The following KCNMA1 variants were observed in gnomAD, a reference collection of about 807,000 sequenced individuals.
KCNMA1 encodes potassium calcium-activated channel subfamily M alpha 1, also known as Calcium-activated potassium channel subunit alpha-1.
Under a neutral mutation model 140.0 loss-of-function variants are expected in KCNMA1, and 29 were observed. That is an observed-to-expected ratio of 0.21 (90% confidence interval 0.15 to 0.28). The LOEUF (loss-of-function observed/expected upper bound fraction) is 0.28. Among genes scored for constraint, KCNMA1 ranks in the 10% least tolerant of loss-of-function variants. The probability of loss-of-function intolerance (pLI) is 1.00; values close to 1 mark genes in which losing one functional copy is unlikely to be tolerated. For missense variants in KCNMA1, 880 were observed against 1,602.2 expected (o/e 0.55, Z 7.70); for synonymous variants, 612 against 611.9 (o/e 1.00, Z 0.00).
intron 1 of KCNMA1, among the ~76,000 whole-genome samples, chr10:77,427,233 G>A (rs2097025789): frequency 6.6e-6 from 1 of 152,174 alleles, no homozygotes; most frequent in Admixed American, 6.5e-5. Flanking sequence ...CCCAGGCAGT[G>A]GAAAGTCAAT....
chr10:77,334,126 T>A (rs960326477), intron 2 of KCNMA1, among the ~76,000 whole-genome samples: 2 of 152,198 alleles, frequency 1.3e-5, no homozygotes, highest in East Asian at 3.9e-4. Context: ...CTATCGGACA[T>A]GTAAGCACTT....
At chr10:77,462,769 T>C (rs1303454509) in intron 1 of KCNMA1, among the ~76,000 whole-genome samples, 2 of 152,210 alleles carry the variant, frequency 1.3e-5, no homozygotes, top group Non-Finnish European at 2.9e-5. Context: ...GACGGATGAA[T>C]GAAGTCGTCT....
intron 1 of KCNMA1, among the ~76,000 whole-genome samples, chr10:77,427,719 TCATTTATTTA>T (rs2097050026): frequency 3.7e-5 from 4 of 107,268 alleles, no homozygotes; most frequent in African/African-American, 1.5e-4. Flanking sequence ...ATCCATCCAT[TCATTTATTTA>T]TTTATTTATT....
chr10:77,590,949 C>T (rs574018373), intron 1 of KCNMA1, among the ~76,000 whole-genome samples: 29 of 152,338 alleles, frequency 1.9e-4, no homozygotes, highest in African/African-American at 5.8e-4. Flanking sequence ...GGTGGCCACA[C>T]ACCTCATCTG....
intron 27 of KCNMA1, 45 bp downstream of exon 27, chr10:76,889,406 A>G (rs760170765): frequency 3.2e-6 from 4 of 1,250,008 alleles, no homozygotes; most frequent in Middle Eastern, 1.9e-4. Flanking sequence ...GGATATTAAT[A>G]TTTCTGTGAT....
chr10:77,094,679 A>G (rs1449050139), intron 9 of KCNMA1, among the ~76,000 whole-genome samples: 3 of 152,084 alleles, frequency 2.0e-5, no homozygotes, highest in Non-Finnish European at 2.9e-5. Context: ...AGTGATGCAA[A>G]TGTCCATTTT....
chr10:77,109,488 T>C (rs939682827), intron 8 of KCNMA1, among the ~76,000 whole-genome samples: 3 of 152,144 alleles, frequency 2.0e-5, no homozygotes, highest in Non-Finnish European at 4.4e-5. Flanking sequence ...ATCCCCTCGA[T>C]TTACATTAGA....
intron 15 of KCNMA1, among the ~76,000 whole-genome samples, chr10:77,038,395 C>T (rs1344310871): frequency 6.6e-6 from 1 of 152,148 alleles, no homozygotes; most frequent in African/African-American, 2.4e-5. Context: ...CTCCCAGATA[C>T]CCCTGTTTCT....
At chr10:77,422,237 G>A (rs42454) in intron 1 of KCNMA1, among the ~76,000 whole-genome samples, 4,874 of 152,314 alleles carry the variant, frequency 0.032, 261 homozygotes, top group South Asian at 0.2. Flanking sequence ...ACTTTAGTGT[G>A]CATCAGAGTC....
chr10:77,187,072 T>C (rs1189078824), intron 3 of KCNMA1, among the ~76,000 whole-genome samples: 1 of 152,108 alleles, frequency 6.6e-6, no homozygotes, highest in Non-Finnish European at 1.5e-5. Flanking sequence ...ACTGGTGGCA[T>C]ATTTGGGGCC....
intron 3 of KCNMA1, among the ~76,000 whole-genome samples, chr10:77,212,806 A>T (rs1231857830): frequency 6.6e-6 from 1 of 152,142 alleles, no homozygotes; most frequent in East Asian, 1.9e-4. Context: ...CTTGACTTTG[A>T]CATCTTCAAT....
At chr10:77,147,179 C>A (rs1337561575) in intron 5 of KCNMA1, among the ~76,000 whole-genome samples, 5 of 152,222 alleles carry the variant, frequency 3.3e-5, no homozygotes, top group African/African-American at 4.8e-5. Context: ...AAGGCTGAAT[C>A]TATAACCAGC....
chr10:77,433,002 T>C (rs2097183979), intron 1 of KCNMA1, among the ~76,000 whole-genome samples: 1 of 152,146 alleles, frequency 6.6e-6, no homozygotes, highest in Admixed American at 6.5e-5. Context: ...CGGATATCTG[T>C]TCATGAATTT....
intron 19 of KCNMA1, among the ~76,000 whole-genome samples, chr10:76,984,709 T>G (rs1225352907): frequency 8.6e-6 from 1 of 116,408 alleles, no homozygotes; most frequent in African/African-American, 2.8e-5. Context: ...CCAATCTCAG[T>G]GCTGAATCCA....
rs1603637262 is a variant in KCNMA1, at chr10:77,573,634, AATGGAATG to A, written c.378+63623_378+63630del. ...AATGGAATGGAATGGAATGGAATGG[AATGGAATG>A]GAATAGAATAGAATAGAATAGAATA... On this transcript the variant is annotated intron_variant, in intron 1 of 27. Coordinates refer to ENST00000286628, the MANE Select transcript of KCNMA1 (RefSeq NM_001161352.2). 2.5e-3 allele frequency among the ~76,000 whole-genome samples: 170 copies of A among 68,620 alleles called. 1 individual carries two copies. The highest frequency in any genetic ancestry group is 8.5e-3 in the Middle Eastern group (1 of 118). 45.0% of individuals were successfully genotyped at this position (68,620 alleles called of 152,430 possible).
At chr10:77,177,767 T>C (rs2098765826) in intron 5 of KCNMA1, among the ~76,000 whole-genome samples, 1 of 152,124 alleles carries the variant, frequency 6.6e-6, no homozygotes, top group East Asian at 1.9e-4. Flanking sequence ...ACATGAGCTC[T>C]CACTCCTCTG....
At chr10:77,446,904 G>C (rs2097539272) in intron 1 of KCNMA1, among the ~76,000 whole-genome samples, 1 of 152,198 alleles carries the variant, frequency 6.6e-6, no homozygotes, top group Admixed American at 6.5e-5. Flanking sequence ...GTTTTGCTTA[G>C]CTGGCAAGTT....
chr10:77,451,157 A>G (rs1461666790), intron 1 of KCNMA1, among the ~76,000 whole-genome samples: 1 of 152,176 alleles, frequency 6.6e-6, no homozygotes, highest in East Asian at 1.9e-4. Context: ...CACAAGCCCT[A>G]CTGGCTTAGC....
At chr10:77,034,805 T>C (rs2094202823) in intron 15 of KCNMA1, among the ~76,000 whole-genome samples, 1 of 152,236 alleles carries the variant, frequency 6.6e-6, no homozygotes, top group Non-Finnish European at 1.5e-5. Flanking sequence ...ACACATACCA[T>C]ATTTTAAATA....
Sources: gnomAD v4.1 joint callset for allele counts (sites outside exome capture counted in the v4.1 genomes callset) on GRCh38, gnomAD v4.1.1 for gene constraint, MANE v1.5 for transcripts, NCBI Gene and HGNC (gene_info 2026-07-23, HGNC 2026-07-21) for gene names.